Variants in KCNT1 observed in about 807,000 individuals in gnomAD.
The protein encoded by KCNT1 is potassium sodium-activated channel subfamily T member 1, also known as potassium channel subfamily T member 1.
KCNT1 carries 78 observed loss-of-function variants against 147.8 expected under a neutral mutation model. That is an observed-to-expected ratio of 0.53 (90% CI 0.44 to 0.64). The LOEUF is 0.64. Ranked by LOEUF, KCNT1 falls within the 30% of genes least tolerant of loss-of-function variation. The pLI, the probability that KCNT1 is intolerant of heterozygous loss-of-function variation, is 0.00. For synonymous variants in KCNT1, 867 were observed against 748.8 expected (o/e 1.16, Z -2.58); for missense variants, 1,419 against 1,750.3 (o/e 0.81, Z 3.38).
Position 135,753,907 on chromosome 9 carries a change from G to A in KCNT1, c.435-30G>A, listed in dbSNP as rs548274616. ...CCTTGCAGTGGTGCTAGAGGGGCCA[G>A]GGCCGGGCCAGCGCTGTGTCTCTCC... On this transcript the variant is annotated intron_variant, in intron 4 of 30. Transcript: ENST00000371757. 3.7e-5 allele frequency: 59 copies of A among 1,613,670 alleles called. No homozygotes were observed. In the East Asian group the frequency reaches 1.3e-3, roughly 36 times the overall value.
At chr9:135,785,258 G>C (rs1001929622) in intron 27 of KCNT1, 52 bp from the exon 28 acceptor site, 57 of 1,608,000 alleles carry the variant, frequency 3.5e-5, no homozygotes, top group Non-Finnish European at 4.6e-5. Context: ...GAGGCGGCGT[G>C]GGGGGCAGGG....
At chr9:135,785,687 T>TA in intron 28 of KCNT1, 1 of 513,984 alleles carries the variant, frequency 1.9e-6, no homozygotes, top group South Asian at 2.0e-5. Context: ...GCCACCCAGG[T>TA]GGGATGCCTA....
chr9:135,721,988 G>A (rs1050480381), intron 2 of KCNT1, among the ~76,000 whole-genome samples: 3 of 152,174 alleles, frequency 2.0e-5, no homozygotes, highest in African/African-American at 7.2e-5. Flanking sequence ...GGTTCCAGGG[G>A]CTTGCGTTGC....
chr9:135,725,769 C>T (rs7859594), intron 2 of KCNT1, among the ~76,000 whole-genome samples: 54,500 of 152,124 alleles, frequency 0.36, 9,978 homozygotes, highest in Middle Eastern at 0.55. Context: ...CGGGTCCAGG[C>T]GGACAGAGTC....
chr9:135,791,619 C>T (rs993823293), intron 29 of KCNT1, 178 bp from the exon 30 acceptor site: 11 of 604,022 alleles, frequency 1.8e-5, no homozygotes, highest in South Asian at 1.5e-4. Context: ...GGAGATGGGA[C>T]AGGTGTCGGT....
intron 2 of KCNT1, among the ~76,000 whole-genome samples, chr9:135,731,974 A>ATATATATATG (rs1170703545): frequency 2.9e-5 from 1 of 34,692 alleles, no homozygotes; most frequent in Non-Finnish European, 5.9e-5. Flanking sequence ...ATATATATAT[A>ATATATATATG]TATATATATA....
At position 135,732,384 on chromosome 9, in the gene KCNT1, G is replaced by T. The variant is rs537747839; in HGVS notation, c.254+17664G>T. ...ACCCAGGGGTACAAGCAATCCTCCA[G>T]TGGAAGTGTCCTCACCCTTCCTCCG... is the stretch of plus-strand genomic sequence containing the variant. On this transcript the variant is annotated intron_variant, in intron 2 of 30. Coordinates refer to ENST00000371757, the MANE Select transcript of KCNT1 (RefSeq NM_020822.3). 6.4e-4 allele frequency among the ~76,000 whole-genome samples: 97 copies of T among 152,282 alleles called. 1 individual carries two copies. The South Asian group carries it at 0.019, about 30-fold the overall frequency.
intron 29 of KCNT1, chr9:135,789,583 G>C (rs72771907): frequency 1.3e-5 from 2 of 152,182 alleles, no homozygotes; most frequent in East Asian, 3.9e-4. Flanking sequence ...ACTGAGGCTC[G>C]GGTGGCGGTA....
At chr9:135,743,415 C>T (rs1163014473) in intron 2 of KCNT1, among the ~76,000 whole-genome samples, 1 of 152,066 alleles carries the variant, frequency 6.6e-6, no homozygotes, top group African/African-American at 2.4e-5. Flanking sequence ...ATGCACGGCA[C>T]CAGCAGCAGA....
intron 13 of KCNT1, among the ~76,000 whole-genome samples, chr9:135,767,878 A>G (rs1205046532): frequency 6.6e-6 from 1 of 151,972 alleles, no homozygotes; most frequent in East Asian, 1.9e-4. Flanking sequence ...AGGAAGCACC[A>G]TGGGCTCCCA....
chr9:135,776,071 C>T (rs1318934055), intron 20 of KCNT1, among the ~76,000 whole-genome samples: 6 of 152,004 alleles, frequency 3.9e-5, no homozygotes. Flanking sequence ...GGTCAATTGT[C>T]AGGTCACTGG....
intron 5 of KCNT1, 54 bp from the exon 6 acceptor site, chr9:135,755,067 G>T: frequency 6.5e-7 from 1 of 1,529,034 alleles, no homozygotes; most frequent in South Asian, 1.2e-5. Context: ...CAGGGTGGCT[G>T]GGGGACACTA....
chr9:135,753,799 GC>G (rs770990762), intron 4 of KCNT1, 137 bp from the exon 5 acceptor site: 12 of 800,240 alleles, frequency 1.5e-5, no homozygotes, highest in Non-Finnish European at 2.1e-5. Flanking sequence ...AGGTGTTAGA[GC>G]TCTGATGTGG....
At chr9:135,776,535 G>A (rs1192505414) in intron 20 of KCNT1, among the ~76,000 whole-genome samples, 1 of 152,142 alleles carries the variant, frequency 6.6e-6, no homozygotes, top group Non-Finnish European at 1.5e-5. Context: ...CCAAAGTGCT[G>A]GGGTTACAGG....
intron 2 of KCNT1, among the ~76,000 whole-genome samples, chr9:135,734,419 T>C (rs1430881436): frequency 6.6e-6 from 1 of 152,226 alleles, no homozygotes; most frequent in Non-Finnish European, 1.5e-5. Context: ...ATGGGAATCA[T>C]CTCACTGGAC....
chr9:135,783,881 T>C, intron 24 of KCNT1, 143 bp from the exon 25 acceptor site: 1 of 663,476 alleles, frequency 1.5e-6, no homozygotes, highest in Non-Finnish European at 2.7e-6. Context: ...TGTGTACACG[T>C]GGACACACAC....
intron 19 of KCNT1, 42 bp from the exon 20 acceptor site, chr9:135,775,268 C>A: frequency 6.7e-7 from 1 of 1,501,482 alleles, no homozygotes; most frequent in Non-Finnish European, 9.1e-7. Context: ...GACCCAGCCA[C>A]CTCTGTGCAG....
chr9:135,757,081 C>T (rs1290741223), intron 7 of KCNT1, 75 bp from the exon 8 acceptor site: 2 of 907,750 alleles, frequency 2.2e-6, no homozygotes, highest in Non-Finnish European at 3.4e-6. Flanking sequence ...GCCCTCTTCC[C>T]CACCCTGCCC....
chr9:135,779,507 A>G, intron 24 of KCNT1, 37 bp downstream of exon 24: 1 of 1,447,832 alleles, frequency 6.9e-7, no homozygotes, highest in Non-Finnish European at 9.7e-7. Flanking sequence ...GCCACCCCAG[A>G]ATCCCAGAAA....
Sources: gnomAD v4.1 joint callset for allele counts (sites outside exome capture counted in the v4.1 genomes callset) on GRCh38, gnomAD v4.1.1 for gene constraint, MANE v1.5 for transcripts, NCBI Gene and HGNC (gene_info 2026-07-23, HGNC 2026-07-21) for gene names.